Variants in CCR5AS observed in about 807,000 individuals in gnomAD.
CCR5AS encodes CCR5 antisense RNA.
At chr3:46,404,953 T>A (rs1397829728) in intron 1 of CCR5AS, among the ~76,000 whole-genome samples, 1 of 152,164 alleles carries the variant, frequency 6.6e-6, no homozygotes, top group Non-Finnish European at 1.5e-5. Context: ...AAAACTGGGG[T>A]CAAATTATAG....
exon 2 of CCR5AS, chr3:46,392,882 T>C (rs1052354140): frequency 4.7e-6 from 1 of 214,026 alleles, no homozygotes; most frequent in Non-Finnish European, 9.1e-6. Flanking sequence ...AGGTCGTAGG[T>C]GGATCTTCTC....
intron 2 of CCR5AS, among the ~76,000 whole-genome samples, chr3:46,376,515 G>A (rs1208757005): frequency 6.6e-6 from 1 of 152,136 alleles, no homozygotes; most frequent in Non-Finnish European, 1.5e-5. Flanking sequence ...CTACTCAAAA[G>A]AATTGCCATG....
intron 2 of CCR5AS, among the ~76,000 whole-genome samples, chr3:46,386,030 G>GT (rs1166121786): frequency 6.6e-6 from 1 of 152,054 alleles, no homozygotes. Context: ...TCCAACCTCA[G>GT]CCCCCCAAGT....
chr3:46,381,494 G>A (rs1018177890), intron 2 of CCR5AS, among the ~76,000 whole-genome samples: 1 of 152,278 alleles, frequency 6.6e-6, no homozygotes, highest in South Asian at 2.1e-4. Flanking sequence ...ATTTACTGAA[G>A]AGCAGATATC....
At chr3:46,380,419 A>G (rs1701805499) in intron 2 of CCR5AS, among the ~76,000 whole-genome samples, 1 of 152,264 alleles carries the variant, frequency 6.6e-6, no homozygotes. Flanking sequence ...CCTTTTACTT[A>G]GAAAAAAGGG....
At chr3:46,378,414 A>T (rs145437444) in intron 2 of CCR5AS, among the ~76,000 whole-genome samples, 62 of 151,126 alleles carry the variant, frequency 4.1e-4, no homozygotes, top group African/African-American at 1.5e-3. Flanking sequence ...GTTTTGTGTC[A>T]TTGTGATTCT....
At chr3:46,368,344 G>A (rs909623467) in intron 3 of CCR5AS, among the ~76,000 whole-genome samples, 1 of 152,224 alleles carries the variant, frequency 6.6e-6, no homozygotes, top group Non-Finnish European at 1.5e-5. Context: ...AGTAGAAAGA[G>A]TAGCAGACAC....
At chr3:46,384,751 T>A (rs1420184276) in intron 2 of CCR5AS, among the ~76,000 whole-genome samples, 2 of 152,068 alleles carry the variant, frequency 1.3e-5, no homozygotes, top group Non-Finnish European at 2.9e-5. Context: ...CTTATGCAAA[T>A]GTGCAGAGGT....
At chr3:46,399,597 A>T (rs1049422625) in intron 1 of CCR5AS, among the ~76,000 whole-genome samples, 2 of 152,216 alleles carry the variant, frequency 1.3e-5, no homozygotes, top group Admixed American at 6.5e-5. Context: ...GACTCAAAGA[A>T]AATGTGGGAA....
At chr3:46,387,660 A>T (rs1701875097) in intron 2 of CCR5AS, among the ~76,000 whole-genome samples, 1 of 152,096 alleles carries the variant, frequency 6.6e-6, no homozygotes, top group African/African-American at 2.4e-5. Flanking sequence ...GAGAAGGAGG[A>T]TTTCTTGAGC....
chr3:46,388,046 C>T (rs891049009), intron 2 of CCR5AS, among the ~76,000 whole-genome samples: 1 of 152,156 alleles, frequency 6.6e-6, no homozygotes, highest in Admixed American at 6.5e-5. Flanking sequence ...TGTGGTTCTT[C>T]AGTTGCTTCA....
At chr3:46,372,787 G>C in intron 2 of CCR5AS, 1 of 766,316 alleles carries the variant, frequency 1.3e-6, no homozygotes, top group South Asian at 1.9e-5. Flanking sequence ...AGACATCTAT[G>C]TAGGCAATTA....
intron 3 of CCR5AS, among the ~76,000 whole-genome samples, chr3:46,365,843 C>T (rs1310551439): frequency 1.3e-5 from 2 of 152,196 alleles, no homozygotes; most frequent in Non-Finnish European, 2.9e-5. Flanking sequence ...CCACTTGACC[C>T]AGGGGCACTC....
At chr3:46,373,112 C>A (rs926301871) in intron 2 of CCR5AS, 1 of 1,614,200 alleles carries the variant, frequency 6.2e-7, no homozygotes, top group Admixed American at 1.7e-5. Context: ...TCTACCTGCT[C>A]AACCTGGCCA....
chr3:46,401,238 A>C (rs1478031183), intron 1 of CCR5AS, among the ~76,000 whole-genome samples: 2 of 152,192 alleles, frequency 1.3e-5, no homozygotes. Flanking sequence ...CCACAGGAAA[A>C]TGGGAGGTAA....
At chr3:46,394,978 T>C (rs1045690645) in intron 1 of CCR5AS, among the ~76,000 whole-genome samples, 2 of 152,032 alleles carry the variant, frequency 1.3e-5, no homozygotes, top group African/African-American at 2.4e-5. Context: ...CCCCTGGCGA[T>C]GTGGAGACTG....
chr3:46,392,005 A>G (rs188831525), intron 2 of CCR5AS, among the ~76,000 whole-genome samples: 1 of 152,208 alleles, frequency 6.6e-6, no homozygotes. Context: ...GACGTCAGGC[A>G]CCTCAGACCA....
intron 2 of CCR5AS, among the ~76,000 whole-genome samples, chr3:46,385,482 A>T (rs559055586): frequency 6.6e-6 from 1 of 152,272 alleles, no homozygotes; most frequent in East Asian, 1.9e-4. Context: ...TTTTGCCTGG[A>T]ACCTCATTAT....
intron 2 of CCR5AS, among the ~76,000 whole-genome samples, chr3:46,388,134 T>C (rs908447012): frequency 6.6e-6 from 1 of 152,222 alleles, no homozygotes; most frequent in Non-Finnish European, 1.5e-5. Flanking sequence ...CATTCCTGTC[T>C]TCTTATATTA....
Sources: gnomAD v4.1 joint callset for allele counts (sites outside exome capture counted in the v4.1 genomes callset) on GRCh38, gnomAD v4.1.1 for gene constraint, MANE v1.5 for transcripts, NCBI Gene and HGNC (gene_info 2026-07-23, HGNC 2026-07-21) for gene names.